LRRTM4: variants seen among roughly 807,000 people sequenced by gnomAD.
LRRTM4 encodes the protein leucine rich repeat transmembrane neuronal 4.
A neutral mutation model predicts 47.6 loss-of-function variants in LRRTM4; 25 were observed. That is an observed-to-expected ratio of 0.53 (90% CI 0.38 to 0.73). The LOEUF is 0.73. Ranked by LOEUF, LRRTM4 falls within the 30% of genes least tolerant of loss-of-function variation. The pLI is 0.00. For missense variants in LRRTM4, 638 were observed against 713.4 expected (o/e 0.89, Z 1.20); for synonymous variants, 311 against 269.5 (o/e 1.15, Z -1.51).
At chr2:77,089,468 C>T (rs1021436055) in intron 3 of LRRTM4, among the ~76,000 whole-genome samples, 6 of 151,548 alleles carry the variant, frequency 4.0e-5, no homozygotes, top group African/African-American at 9.7e-5. Context: ...CCCTTATTTC[C>T]GTGCCCCGAC....
intron 3 of LRRTM4, among the ~76,000 whole-genome samples, chr2:77,190,912 T>C (rs934538098): frequency 2.0e-5 from 3 of 152,200 alleles, no homozygotes; most frequent in African/African-American, 7.2e-5. Context: ...TAATGTAGTA[T>C]GGAACAAGTA....
chr2:77,255,590 T>C (rs1314031792), intron 3 of LRRTM4, among the ~76,000 whole-genome samples: 1 of 152,042 alleles, frequency 6.6e-6, no homozygotes, highest in African/African-American at 2.4e-5. Flanking sequence ...TGCAATGGCA[T>C]CAGAGTAGCT....
At chr2:76,758,531 A>T (rs1309482002) in intron 3 of LRRTM4, among the ~76,000 whole-genome samples, 1 of 152,136 alleles carries the variant, frequency 6.6e-6, no homozygotes, top group African/African-American at 2.4e-5. Context: ...TGTATTTTTA[A>T]TTACAAAAAG....
intron 3 of LRRTM4, among the ~76,000 whole-genome samples, chr2:77,149,284 TA>T (rs1343680597): frequency 6.6e-6 from 1 of 152,190 alleles, no homozygotes; most frequent in Non-Finnish European, 1.5e-5. Flanking sequence ...CATATTGAGC[TA>T]AATAAAATAT....
chr2:77,135,083 A>AACT (rs1671898106), intron 3 of LRRTM4, among the ~76,000 whole-genome samples: 1 of 152,242 alleles, frequency 6.6e-6, no homozygotes, highest in South Asian at 2.1e-4. Context: ...CAACAGCAGC[A>AACT]ACTACATATG....
At chr2:77,132,380 T>A (rs931557399) in intron 3 of LRRTM4, among the ~76,000 whole-genome samples, 2 of 152,258 alleles carry the variant, frequency 1.3e-5, no homozygotes, top group African/African-American at 2.4e-5. Context: ...CACATATTTT[T>A]ATCCATTCAT....
chr2:76,909,239 G>A (rs1172706485), intron 3 of LRRTM4, among the ~76,000 whole-genome samples: 1 of 152,168 alleles, frequency 6.6e-6, no homozygotes, highest in African/African-American at 2.4e-5. Context: ...AACAAGCAAT[G>A]GGGAAAGGAT....
chr2:77,082,614 G>A (rs1189619805), intron 3 of LRRTM4, among the ~76,000 whole-genome samples: 2 of 151,934 alleles, frequency 1.3e-5, no homozygotes, highest in Non-Finnish European at 2.9e-5. Flanking sequence ...AAACAGTAAA[G>A]ATAAGCCAGT....
chr2:76,916,508 C>T (rs1674257114), intron 3 of LRRTM4, among the ~76,000 whole-genome samples: 1 of 151,758 alleles, frequency 6.6e-6, no homozygotes, highest in South Asian at 2.1e-4. Context: ...AGTTGGAATC[C>T]CCAAAATACT....
intron 3 of LRRTM4, among the ~76,000 whole-genome samples, chr2:76,976,160 T>C (rs1676411741): frequency 6.6e-6 from 1 of 151,844 alleles, no homozygotes; most frequent in East Asian, 1.9e-4. Context: ...TTCCTTTAAA[T>C]GTATAAGCAA....
At chr2:76,784,389 A>C (rs901367828) in intron 3 of LRRTM4, among the ~76,000 whole-genome samples, 7 of 152,106 alleles carry the variant, frequency 4.6e-5, no homozygotes, top group African/African-American at 1.7e-4. Flanking sequence ...AAAGGCATAC[A>C]TATGGACTCT....
intron 3 of LRRTM4, among the ~76,000 whole-genome samples, chr2:77,304,139 A>G (rs1202965382): frequency 6.6e-6 from 1 of 152,182 alleles, no homozygotes; most frequent in Non-Finnish European, 1.5e-5. Context: ...GATAATGGGC[A>G]TTCTAACAGA....
intron 3 of LRRTM4, chr2:77,009,835 G>A (rs528248855): frequency 1.3e-5 from 2 of 151,816 alleles, no homozygotes; most frequent in Admixed American, 6.6e-5. Context: ...AAGAATAAAC[G>A]GTCATTTTCC....
chr2:76,846,309 G>A (rs1671835779), intron 3 of LRRTM4, among the ~76,000 whole-genome samples: 1 of 152,106 alleles, frequency 6.6e-6, no homozygotes, highest in African/African-American at 2.4e-5. Flanking sequence ...CTTAGAAGGT[G>A]CCCCAGGTGT....
intron 3 of LRRTM4, among the ~76,000 whole-genome samples, chr2:77,202,160 C>A (rs141926058): frequency 0.012 from 1,786 of 152,050 alleles, 38 homozygotes; most frequent in African/African-American, 0.041. Context: ...TAAAAGTGGC[C>A]CCAGATATTG....
At chr2:77,362,687 G>C (rs1672287659) in intron 3 of LRRTM4, among the ~76,000 whole-genome samples, 1 of 152,150 alleles carries the variant, frequency 6.6e-6, no homozygotes, top group South Asian at 2.1e-4. Flanking sequence ...GATGAGGATA[G>C]TCTAACTGGC....
chr2:76,842,970 A>G (rs138114246), intron 3 of LRRTM4, among the ~76,000 whole-genome samples: 19 of 152,314 alleles, frequency 1.2e-4, no homozygotes, highest in African/African-American at 4.6e-4. Context: ...ATGGGTTCAG[A>G]GGCAAAGAGA....
At chr2:77,146,404 G>A (rs1330332796) in intron 3 of LRRTM4, among the ~76,000 whole-genome samples, 1 of 152,078 alleles carries the variant, frequency 6.6e-6, no homozygotes, top group African/African-American at 2.4e-5. Flanking sequence ...ATGGAGAACA[G>A]AGACACTAGA....
rs765478838 is a variant in LRRTM4, at chr2:77,519,550, C to T, written c.319G>A (p.Gly107Arg). The T allele has an allele frequency of 1.2e-6, 2 of 1,613,412 alleles. No individual in the cohort carries two copies. Among genetic ancestry groups the T allele is most frequent in the Non-Finnish European group, 1.7e-6 (2 of 1,179,640 alleles). The change falls in exon 3 of 4, where the codon GGG becomes AGG. Residue 107 changes from glycine to arginine, a missense_variant. Physicochemically the swap from Gly to Arg is moderately radical, Grantham distance 125. Coordinates refer to ENST00000409884, the MANE Select transcript of LRRTM4 (RefSeq NM_001134745.3). The surrounding 1 kb of genome is among the most constrained non-coding windows in gnomAD (Gnocchi z 4.6). The part of the protein sequence containing the change: ...ISSVDEDAFQ[G>R]IRRLKELILS... ...ATTAATTCTTTCAGTCTACGGATCCCTTGAAATGCATCTTCATCCACTGAG... is the reference window on the plus strand; with the variant it reads ...ATTAATTCTTTCAGTCTACGGATCCTTTGAAATGCATCTTCATCCACTGAG...
Sources: allele counts gnomAD v4.1 joint callset (sites outside exome capture counted in the v4.1 genomes callset), GRCh38; gene constraint gnomAD v4.1.1; non-coding constraint Gnocchi (gnomAD v3.1); transcripts MANE v1.5; gene names NCBI Gene and HGNC (gene_info 2026-07-23, HGNC 2026-07-21).